Variants in CHKA observed in about 807,000 individuals in gnomAD.
CHKA encodes the protein CHETK-alpha.
Under a neutral mutation model 60.1 loss-of-function variants are expected in CHKA, and 34 were observed. The ratio of observed to expected loss-of-function variants is 0.57; its 90% confidence interval spans 0.43 to 0.75. The LOEUF (loss-of-function observed/expected upper bound fraction) is 0.75. CHKA is among the 30% of genes least tolerant of loss of function. The pLI is 0.00. For synonymous variants in CHKA, 217 were observed against 223.1 expected, an observed-to-expected ratio of 0.97 and a Z score of 0.24; for missense variants, 563 against 561.3, an observed-to-expected ratio of 1.00 and a Z score of -0.03.
At chr11:68,084,319 TATATATACAC>T (rs1278539464) in intron 2 of CHKA, among the ~76,000 whole-genome samples, 3 of 141,602 alleles carry the variant, frequency 2.1e-5, no homozygotes, top group Admixed American at 7.0e-5. Flanking sequence ...TACATGTGTA[TATATATACAC>T]ATATACGTAT....
chr11:68,064,474 G>A, intron 10 of CHKA, 51 bp downstream of exon 10: 1 of 898,194 alleles, frequency 1.1e-6, no homozygotes, highest in East Asian at 2.6e-5. Flanking sequence ...CCCAAATATA[G>A]TCTATAAAGA....
At position 68,120,825 on chromosome 11, in the gene CHKA, G is replaced by T; in HGVS notation, c.350+3C>A. The stretch of plus-strand genomic sequence containing the variant: ...CGCGGCCCCCAGACCCGGCGCCACC[G>T]ACCTGATGACACTGATGTGGAACTC... On this transcript the variant is annotated splice_donor_region_variant and intron_variant, in intron 1 of 11. Coordinates refer to ENST00000265689, the MANE Select transcript of CHKA (RefSeq NM_001277.3). The T allele has an allele frequency of 8.3e-7, 1 of 1,208,492 alleles. No individual in the cohort carries two copies. 74.9% of individuals were successfully genotyped at this position (1,208,492 alleles called of 1,614,324 possible).
intron 4 of CHKA, among the ~76,000 whole-genome samples, chr11:68,073,397 T>C (rs1856686061): frequency 6.6e-6 from 1 of 152,168 alleles, no homozygotes; most frequent in African/African-American, 2.4e-5. Context: ...TTCACACCTG[T>C]AATCCCAGCA....
At chr11:68,089,611 T>C (rs1321349913) in intron 2 of CHKA, among the ~76,000 whole-genome samples, 1 of 152,180 alleles carries the variant, frequency 6.6e-6, no homozygotes, top group Non-Finnish European at 1.5e-5. Context: ...TCTGATTTGC[T>C]TTGGACAAAA....
chr11:68,073,523 A>C (rs1046811521), intron 4 of CHKA, among the ~76,000 whole-genome samples: 6 of 152,116 alleles, frequency 3.9e-5, no homozygotes, highest in African/African-American at 1.4e-4. Flanking sequence ...GAGCAAACTA[A>C]AGGAAAAAGC....
chr11:68,061,676 A>G, intron 11 of CHKA: 1 of 519,038 alleles, frequency 1.9e-6, no homozygotes, highest in Non-Finnish European at 3.7e-6. Context: ...TCAGGATTGC[A>G]GGCACTTCTC....
chr11:68,084,438 GTATA>G lies in CHKA; in HGVS notation c.463-2985_463-2982del, dbSNP rs893053624. Among the ~76,000 whole-genome samples the G allele has an allele frequency of 7.9e-5, 10 of 126,370 alleles. No homozygotes were observed. In the South Asian group the frequency reaches 1.3e-3, roughly 16 times the overall value. The allele number at this position is 126,370 out of a possible 152,430, so 82.9% of individuals were successfully genotyped here. A position where few individuals can be genotyped will look rare whatever the true frequency, so the allele number is the denominator to read the frequency against. ...TATATATATATACACATATATATAC[GTATA>G]TATATGTGTGTATATATATATAGGA... On this transcript the variant is annotated intron_variant, in intron 2 of 11. Transcript: ENST00000265689.
intron 1 of CHKA, among the ~76,000 whole-genome samples, chr11:68,120,378 G>A (rs980090150): frequency 1.3e-5 from 2 of 152,182 alleles, no homozygotes; most frequent in African/African-American, 2.4e-5. Flanking sequence ...TCTTGGAGAG[G>A]GAACAAGACA....
intron 7 of CHKA, among the ~76,000 whole-genome samples, chr11:68,068,133 G>A (rs866375606): frequency 3.3e-5 from 5 of 152,166 alleles, no homozygotes; most frequent in East Asian, 1.9e-4. Flanking sequence ...AGAGAAGCCC[G>A]AAATAATTAA....
In CHKA at chr11:68,070,844, T is replaced by C. The variant is rs1286185779; in HGVS notation, c.644A>G (p.Asp215Gly). ...ATCTGGCAAACTTAATTCTTCAGTA[T>C]CTAATCGCCGGCTCTGAAAAAGAAA... Reference protein sequence around the residue: ...LEQFIPSRRLDTEELSLPDIS... With the variant: ...LEQFIPSRRLGTEELSLPDIS... The change falls in exon 5 of 12, where the codon GAT becomes GGT. Residue 215 changes from aspartate to glycine, a missense_variant. Coordinates refer to ENST00000265689, the MANE Select transcript of CHKA (RefSeq NM_001277.3). 1.2e-6 allele frequency: 2 copies of C among 1,609,570 alleles called. No homozygotes were observed. Among genetic ancestry groups the C allele is most frequent in the Non-Finnish European group, 1.7e-6 (2 of 1,176,902 alleles).
intron 1 of CHKA, among the ~76,000 whole-genome samples, chr11:68,115,094 T>A (rs1858333439): frequency 6.6e-6 from 1 of 152,242 alleles, no homozygotes; most frequent in South Asian, 2.1e-4. Flanking sequence ...ATAAATTACA[T>A]GAAATATTTA....
At chr11:68,079,949 T>C (rs1305606554) in intron 3 of CHKA, among the ~76,000 whole-genome samples, 2 of 152,180 alleles carry the variant, frequency 1.3e-5, no homozygotes, top group African/African-American at 2.4e-5. Context: ...GCCAGATCTG[T>C]ACTTTGTGTC....
intron 1 of CHKA, among the ~76,000 whole-genome samples, chr11:68,112,644 T>C (rs1324852874): frequency 3.3e-5 from 5 of 152,098 alleles, no homozygotes; most frequent in African/African-American, 7.2e-5. Context: ...TAAAAACTGC[T>C]TTGCAAAAGA....
At chr11:68,118,311 C>T (rs962345944) in intron 1 of CHKA, among the ~76,000 whole-genome samples, 7 of 151,982 alleles carry the variant, frequency 4.6e-5, no homozygotes, top group Middle Eastern at 3.2e-3. Context: ...AATGGTGGTG[C>T]GTGCCTGTAG....
intron 1 of CHKA, among the ~76,000 whole-genome samples, chr11:68,107,104 T>C (rs1266223244): frequency 6.6e-6 from 1 of 151,940 alleles, no homozygotes; most frequent in East Asian, 1.9e-4. Context: ...ATACAAAAAT[T>C]AGCCGGGCGC....
chr11:68,106,530 G>C (rs1307831688), intron 1 of CHKA, among the ~76,000 whole-genome samples: 13 of 150,652 alleles, frequency 8.6e-5, no homozygotes, highest in African/African-American at 1.2e-4. Context: ...TCCAGCCTGG[G>C]CAACACAAAA....
At chr11:68,103,338 G>A (rs369146377) in intron 1 of CHKA, among the ~76,000 whole-genome samples, 10 of 150,396 alleles carry the variant, frequency 6.6e-5, no homozygotes, top group South Asian at 4.2e-4. Context: ...CCTGGGTGAC[G>A]GAGCAAGACC....
rs1555011685 is a variant in CHKA, at chr11:68,095,724, A to AAAC, written c.462+1294_462+1295insGTT. On this transcript the variant is annotated intron_variant, in intron 2 of 11. Transcript: ENST00000265689. ...ACTCCGTCGCAAAAAAAAAAAAAAA[A>AAAC]AAAAAAAAAACAACAGGTATCAAAA... 7.7e-5 allele frequency among the ~76,000 whole-genome samples: 11 copies of AAAC among 142,774 alleles called. 1 individual carries two copies. The East Asian group carries it at 8.2e-4, about 11-fold the overall frequency. The allele number at this position is 142,774 out of a possible 152,430, so 93.7% of individuals were successfully genotyped here.
intron 11 of CHKA, among the ~76,000 whole-genome samples, chr11:68,060,274 C>T (rs912306836): frequency 6.6e-6 from 1 of 151,770 alleles, no homozygotes; most frequent in African/African-American, 2.4e-5. Context: ...CCTCGTGATC[C>T]GCCCGCCTCG....
Sources: allele counts gnomAD v4.1 joint callset (sites outside exome capture counted in the v4.1 genomes callset), GRCh38; gene constraint gnomAD v4.1.1; transcripts MANE v1.5; gene names NCBI Gene and HGNC (gene_info 2026-07-23, HGNC 2026-07-21).